OR6N1: variants seen among roughly 807,000 people sequenced by gnomAD.
OR6N1 encodes olfactory receptor 6N1.
For missense variants in OR6N1, 394 were observed against 371.7 expected, an observed-to-expected ratio of 1.06 and a Z score of -0.49; for synonymous variants, 170 against 150.7, an observed-to-expected ratio of 1.13 and a Z score of -0.94.
At chr1:158,821,455 C>T in the OR6N1 span, among the ~76,000 whole-genome samples, 1 of 152,204 alleles carries the variant, frequency 6.6e-6, no homozygotes, top group South Asian at 2.1e-4. Flanking sequence ...CTAAAAAATA[C>T]TGTTCTCTAT....
At position 158,766,380 on chromosome 1, in the gene OR6N1, G is replaced by C. The variant is rs1327840907; in HGVS notation, c.303C>G (p.Ile101Met). The C allele has an allele frequency of 6.2e-7, 1 of 1,614,034 alleles. No individual in the cohort carries two copies. The highest frequency in any genetic ancestry group is 1.7e-5 in the Admixed American group (1 of 59,998). The change falls in exon 2 of 2, where the codon ATC becomes ATG. Residue 101 changes from isoleucine to methionine, a missense_variant. By Grantham distance (10) the Ile-to-Met change is conservative. Transcript: ENST00000641846. Reference sequence around the variant, plus strand: ...TCGCTCCAAGGGAGTGAAAGAAATAGATCTGCAGGAGACACCCAGAGAATG... The same window carrying C: ...TCGCTCCAAGGGAGTGAAAGAAATACATCTGCAGGAGACACCCAGAGAATG... ...TISFSGCLLQ[I>M]YFFHSLGATE...
the OR6N1 span, among the ~76,000 whole-genome samples, chr1:158,783,893 T>C: frequency 2.4e-4 from 36 of 152,218 alleles, 1 homozygote; most frequent in African/African-American, 7.5e-4. Flanking sequence ...GATCACGAGG[T>C]CAGGAGATCG....
chr1:158,767,554 A>G (rs937678413), intron 1 of OR6N1, among the ~76,000 whole-genome samples: 1 of 152,244 alleles, frequency 6.6e-6, no homozygotes, highest in Non-Finnish European at 1.5e-5. Context: ...TATACTTAGA[A>G]CAGGGACTAA....
At chr1:158,779,114 A>T in the OR6N1 span, among the ~76,000 whole-genome samples, 1 of 152,150 alleles carries the variant, frequency 6.6e-6, no homozygotes, top group South Asian at 2.1e-4. Context: ...ATATAAATAC[A>T]GGTGAAGAGT....
At chr1:158,803,468 T>C in the OR6N1 span, among the ~76,000 whole-genome samples, 2 of 152,256 alleles carry the variant, frequency 1.3e-5, no homozygotes, top group Non-Finnish European at 2.9e-5. Context: ...CATGGATATA[T>C]AGATTAGCCA....
intron 1 of OR6N1, among the ~76,000 whole-genome samples, chr1:158,770,677 G>C (rs1657402119): frequency 6.6e-6 from 1 of 152,006 alleles, no homozygotes; most frequent in Admixed American, 6.5e-5. Flanking sequence ...ATCACAAAAA[G>C]GAAGGCTAAA....
At chr1:158,772,721 TAA>T (rs903399271), upstream of OR6N1, among the ~76,000 whole-genome samples, 124 of 152,310 alleles carry the variant, frequency 8.1e-4, no homozygotes, top group African/African-American at 2.8e-3. Context: ...ATCTGCTCCG[TAA>T]AGAGTGCTGC....
chr1:158,834,472 T>C, the OR6N1 span, among the ~76,000 whole-genome samples: 1 of 152,044 alleles, frequency 6.6e-6, no homozygotes, highest in Admixed American at 6.6e-5. Context: ...GATTCTGTTG[T>C]TGTTGGAGTT....
the OR6N1 span, among the ~76,000 whole-genome samples, chr1:158,795,001 A>C: frequency 6.6e-6 from 1 of 152,158 alleles, no homozygotes; most frequent in Non-Finnish European, 1.5e-5. Flanking sequence ...TACGCTACCA[A>C]GGTGGATCTA....
chr1:158,779,024 A>AAAAAAAAAAAAAAAAAG, the OR6N1 span, among the ~76,000 whole-genome samples: 1 of 151,204 alleles, frequency 6.6e-6, no homozygotes, highest in African/African-American at 2.4e-5. Flanking sequence ...GTCTCAAAAA[A>AAAAAAAAAAAAAAAAAG]AAAAAAAAGA....
chr1:158,786,048 A>G, the OR6N1 span, among the ~76,000 whole-genome samples: 2 of 152,200 alleles, frequency 1.3e-5, no homozygotes, highest in Non-Finnish European at 2.9e-5. Flanking sequence ...AGCAATAGAA[A>G]TAATCAGCAG....
chr1:158,779,467 C>T, the OR6N1 span, among the ~76,000 whole-genome samples: 1 of 152,136 alleles, frequency 6.6e-6, no homozygotes, highest in African/African-American at 2.4e-5. Context: ...ATTAGTAGAC[C>T]AATACTTTCC....
chr1:158,780,657 T>C, the OR6N1 span, among the ~76,000 whole-genome samples: 2 of 152,232 alleles, frequency 1.3e-5, no homozygotes, highest in African/African-American at 2.4e-5. Context: ...TAATAAGGTA[T>C]TGAATATCTC....
At chr1:158,789,847 T>A in the OR6N1 span, among the ~76,000 whole-genome samples, 2 of 152,220 alleles carry the variant, frequency 1.3e-5, no homozygotes, top group Non-Finnish European at 2.9e-5. Flanking sequence ...CTTCATATAA[T>A]TCCACTTGGC....
chr1:158,774,908 G>A (rs2102013026), upstream of OR6N1: 1 of 152,238 alleles, frequency 6.6e-6, no homozygotes, highest in Admixed American at 6.5e-5. Context: ...GTAATGATTA[G>A]AATCATTATG....
At chr1:158,767,971 C>G (rs1011873083) in intron 1 of OR6N1, among the ~76,000 whole-genome samples, 5 of 152,108 alleles carry the variant, frequency 3.3e-5, no homozygotes, top group African/African-American at 1.2e-4. Flanking sequence ...CTTGGACTAT[C>G]TGTTTCTTGA....
the OR6N1 span, among the ~76,000 whole-genome samples, chr1:158,817,638 T>C: frequency 6.6e-6 from 1 of 152,108 alleles, no homozygotes; most frequent in Non-Finnish European, 1.5e-5. Context: ...ATTGTTGAAG[T>C]AATGAGAAGG....
the OR6N1 span, among the ~76,000 whole-genome samples, chr1:158,839,613 G>A: frequency 2.6e-5 from 4 of 152,150 alleles, no homozygotes; most frequent in Non-Finnish European, 4.4e-5. Flanking sequence ...ATGTTGCAAA[G>A]CAGTTCCACA....
At chr1:158,796,401 C>T in the OR6N1 span, among the ~76,000 whole-genome samples, 1 of 152,102 alleles carries the variant, frequency 6.6e-6, no homozygotes, top group Admixed American at 6.5e-5. Context: ...TGTAGGCTTC[C>T]TTCATTTAGT....
Sources: gnomAD v4.1 joint callset for allele counts (sites outside exome capture counted in the v4.1 genomes callset) on GRCh38, gnomAD v4.1.1 for gene constraint, MANE v1.5 for transcripts, NCBI Gene and HGNC (gene_info 2026-07-23, HGNC 2026-07-21) for gene names.